SNTG1: variants seen among roughly 807,000 people sequenced by gnomAD.
SNTG1 encodes the protein gamma-1-syntrophin.
Under a neutral mutation model 74.7 loss-of-function variants are expected in SNTG1, and 39 were observed. That is an observed-to-expected ratio of 0.52 (90% CI 0.40 to 0.68). SNTG1 has a LOEUF of 0.68. SNTG1 is among the 30% of genes least tolerant of loss of function. SNTG1 has a pLI of 0.00. For missense variants in SNTG1, 685 were observed against 609.5 expected (o/e 1.12, Z -1.30); for synonymous variants, 254 against 217.1 (o/e 1.17, Z -1.49).
chr8:50,405,363 C>T (rs1028006263), intron 4 of SNTG1, among the ~76,000 whole-genome samples: 29 of 152,178 alleles, frequency 1.9e-4, no homozygotes, highest in African/African-American at 5.8e-4. Flanking sequence ...GAGGTTGAAT[C>T]TCACCGTGGT....
intron 5 of SNTG1, among the ~76,000 whole-genome samples, chr8:50,445,105 A>G (rs1318190461): frequency 6.6e-6 from 1 of 152,114 alleles, no homozygotes; most frequent in Admixed American, 6.5e-5. Flanking sequence ...CCTATTTTAG[A>G]CTTTCATATG....
chr8:49,974,332 C>T (rs1409522866), intron 1 of SNTG1, among the ~76,000 whole-genome samples: 1 of 152,248 alleles, frequency 6.6e-6, no homozygotes, highest in South Asian at 2.1e-4. Context: ...GTAGCGGGTG[C>T]CTTCATATAT....
chr8:50,673,577 CT>C (rs550847051), intron 15 of SNTG1, among the ~76,000 whole-genome samples: 34 of 152,042 alleles, frequency 2.2e-4, no homozygotes, highest in Non-Finnish European at 3.4e-4. Flanking sequence ...AATTTTTTGG[CT>C]GGGATGATTG....
chr8:50,432,864 T>A (rs1373449651), intron 4 of SNTG1, among the ~76,000 whole-genome samples: 2 of 152,204 alleles, frequency 1.3e-5, no homozygotes, highest in East Asian at 3.9e-4. Context: ...CAGTCTCGGC[T>A]ACTGCAACCT....
rs148699877 is a variant in SNTG1 at position 50,791,651 on chromosome 8, T to A, written c.1396-1020T>A. On this transcript the variant is annotated intron_variant, in intron 18 of 18. Transcript: ENST00000642720. ...AACACAGTCATGTACATATCAATTA[T>A]AATTCTAAATTCTTTATTACATATA... Among the ~76,000 whole-genome samples, 234 of 151,992 alleles carry A rather than the reference T, an allele frequency of 1.5e-3. 1 individual carries two copies. The highest frequency in any genetic ancestry group is 6.8e-3 in the Middle Eastern group (2 of 294).
chr8:50,242,276 C>G (rs1254160474), intron 2 of SNTG1, among the ~76,000 whole-genome samples: 2 of 151,770 alleles, frequency 1.3e-5, no homozygotes, highest in African/African-American at 4.8e-5. Context: ...CACCTGTAAT[C>G]CCAGGACTTT....
At chr8:50,699,808 G>GA (rs1563759167) in intron 15 of SNTG1, among the ~76,000 whole-genome samples, 1 of 152,126 alleles carries the variant, frequency 6.6e-6, no homozygotes, top group Non-Finnish European at 1.5e-5. Context: ...GAAATGATAC[G>GA]AATATTTATC....
At chr8:50,007,702 G>A (rs1815373113) in intron 1 of SNTG1, among the ~76,000 whole-genome samples, 2 of 152,068 alleles carry the variant, frequency 1.3e-5, no homozygotes, top group Admixed American at 1.3e-4. Flanking sequence ...AAGAGGGTGG[G>A]GAGATTTCTT....
At chr8:50,701,658 CTCTTCTTCTTCTTCCT>C (rs754129134) in intron 15 of SNTG1, among the ~76,000 whole-genome samples, 200 of 128,652 alleles carry the variant, frequency 1.6e-3, no homozygotes, top group Middle Eastern at 4.5e-3. Flanking sequence ...CTTTTTCTTC[CTCTTCTTCTTCTTCCT>C]TCTTCTTCTT....
intron 2 of SNTG1, among the ~76,000 whole-genome samples, chr8:50,338,579 T>C (rs28813492): frequency 0.065 from 9,953 of 152,144 alleles, 353 homozygotes; most frequent in African/African-American, 0.072. Flanking sequence ...GCTGAAAACT[T>C]TAAGAAGATA....
At chr8:50,087,771 T>G (rs1006558574) in intron 1 of SNTG1, among the ~76,000 whole-genome samples, 4 of 151,904 alleles carry the variant, frequency 2.6e-5, no homozygotes, top group African/African-American at 9.7e-5. Context: ...TTATTTTATT[T>G]ATTTTTTATT....
chr8:50,208,158 C>A (rs1390515057), intron 2 of SNTG1, among the ~76,000 whole-genome samples: 2 of 152,248 alleles, frequency 1.3e-5, no homozygotes, highest in East Asian at 3.9e-4. Flanking sequence ...GTAATGTGGA[C>A]AGTGGGATGT....
chr8:50,764,428 A>C (rs1162951542), intron 18 of SNTG1, among the ~76,000 whole-genome samples: 2 of 151,956 alleles, frequency 1.3e-5, no homozygotes, highest in Admixed American at 1.3e-4. Flanking sequence ...AAAGTACAAA[A>C]CAAATAACCC....
Position 50,631,607 on chromosome 8 carries a change from C to A in SNTG1, c.850-25302C>A, listed in dbSNP as rs117668965. On this transcript the variant is annotated intron_variant, in intron 13 of 18. Coordinates refer to ENST00000642720, the MANE Select transcript of SNTG1 (RefSeq NM_018967.5). ...TTCGAGAAGGATAAGTAAAGAGAAG[C>A]CCCATGGGTGAGAACTTTTATATTT... Among the ~76,000 whole-genome samples, 65 of 152,218 alleles carry A rather than the reference C, an allele frequency of 4.3e-4. No individual in the cohort carries two copies. In the East Asian group the frequency reaches 0.012, roughly 27 times the overall value.
At chr8:50,493,125 A>G (rs2093873324) in intron 8 of SNTG1, among the ~76,000 whole-genome samples, 1 of 152,186 alleles carries the variant, frequency 6.6e-6, no homozygotes, top group Non-Finnish European at 1.5e-5. Flanking sequence ...CAGAAAACAG[A>G]ACTCTTAAGA....
intron 2 of SNTG1, among the ~76,000 whole-genome samples, chr8:50,357,243 G>A (rs1455577717): frequency 1.3e-5 from 2 of 152,176 alleles, no homozygotes; most frequent in Non-Finnish European, 2.9e-5. Context: ...CCCCCTCCAC[G>A]ACTCTCAGAG....
chr8:50,613,316 C>T (rs959896921), intron 13 of SNTG1, among the ~76,000 whole-genome samples: 4 of 152,090 alleles, frequency 2.6e-5, no homozygotes, highest in African/African-American at 9.7e-5. Flanking sequence ...AAATTTGGAA[C>T]AAGTAAAATA....
At chr8:50,429,759 A>G (rs1563374821) in intron 4 of SNTG1, among the ~76,000 whole-genome samples, 2 of 152,282 alleles carry the variant, frequency 1.3e-5, no homozygotes, top group East Asian at 1.9e-4. Context: ...ATTTATATCC[A>G]GAAAGTGTAA....
intron 15 of SNTG1, among the ~76,000 whole-genome samples, chr8:50,663,571 C>G (rs1034053020): frequency 4.6e-5 from 7 of 152,082 alleles, no homozygotes; most frequent in African/African-American, 1.7e-4. Flanking sequence ...ACTCGTTTTG[C>G]TCTGATTCTA....
Sources: gnomAD v4.1 joint callset for allele counts (sites outside exome capture counted in the v4.1 genomes callset) on GRCh38, gnomAD v4.1.1 for gene constraint, MANE v1.5 for transcripts, NCBI Gene and HGNC (gene_info 2026-07-23, HGNC 2026-07-21) for gene names.